MCC: variants seen among roughly 807,000 people sequenced by gnomAD.
MCC encodes MCC regulator of Wnt signaling pathway.
Under a neutral mutation model 116.2 loss-of-function variants are expected in MCC, and 90 were observed. The ratio of observed to expected loss-of-function variants is 0.77; its 90% CI spans 0.65 to 0.92. The LOEUF (loss-of-function observed/expected upper bound fraction) is 0.92. Ranked by LOEUF, MCC falls within the 40% of genes least tolerant of loss-of-function variation. The probability of loss-of-function intolerance (pLI) is 0.00; values close to 1 mark genes in which losing one functional copy is unlikely to be tolerated. For synonymous variants in MCC, 578 were observed against 510.5 expected (o/e 1.13, Z -1.78); for missense variants, 1,516 against 1,312.2 (o/e 1.16, Z -2.40).
intron 3 of MCC, among the ~76,000 whole-genome samples, chr5:113,171,918 T>C (rs959464054): frequency 5.3e-5 from 8 of 152,060 alleles, no homozygotes; most frequent in Admixed American, 3.9e-4. Flanking sequence ...TCATGATCCA[T>C]CTCCCATGGT....
chr5:113,175,427 T>G (rs1761283459), intron 3 of MCC, among the ~76,000 whole-genome samples: 2 of 152,160 alleles, frequency 1.3e-5, no homozygotes, highest in South Asian at 4.1e-4. Flanking sequence ...CCTAGATGGT[T>G]CTCAACATTT....
At chr5:113,232,074 CTATGT>C (rs1471220115) in intron 3 of MCC, among the ~76,000 whole-genome samples, 2 of 152,114 alleles carry the variant, frequency 1.3e-5, no homozygotes, top group African/African-American at 4.8e-5. Flanking sequence ...CACAAAGATA[CTATGT>C]TATTTGTTAA....
chr5:113,460,938 T>C (rs1771725742), intron 1 of MCC, among the ~76,000 whole-genome samples: 1 of 152,246 alleles, frequency 6.6e-6, no homozygotes. Flanking sequence ...TATGGCACTT[T>C]ATCGCATTTA....
chr5:113,383,741 T>C (rs778447027), intron 2 of MCC, among the ~76,000 whole-genome samples: 1 of 152,190 alleles, frequency 6.6e-6, no homozygotes, highest in South Asian at 2.1e-4. Flanking sequence ...TAAGAGCACA[T>C]GCATTACCAG....
At chr5:113,087,549 G>A (rs1755286158) in intron 8 of MCC, among the ~76,000 whole-genome samples, 1 of 152,122 alleles carries the variant, frequency 6.6e-6, no homozygotes. Flanking sequence ...AAAGAGAGAG[G>A]GCTCATTCAT....
intron 2 of MCC, among the ~76,000 whole-genome samples, chr5:113,347,510 A>G (rs563800836): frequency 4.7e-4 from 72 of 152,266 alleles, no homozygotes; most frequent in African/African-American, 1.7e-3. Context: ...AAAACAAAAC[A>G]AAAGTAATGG....
At chr5:113,130,517 T>C (rs796316309) in intron 5 of MCC, among the ~76,000 whole-genome samples, 3 of 152,132 alleles carry the variant, frequency 2.0e-5, no homozygotes, top group African/African-American at 7.2e-5. Flanking sequence ...CTTGAGAGCC[T>C]GCTATGGTTT....
At chr5:113,240,193 C>T (rs1371997100) in intron 3 of MCC, among the ~76,000 whole-genome samples, 1 of 152,158 alleles carries the variant, frequency 6.6e-6, no homozygotes, top group Non-Finnish European at 1.5e-5. Flanking sequence ...TCAGGATACC[C>T]TTCTCCCCAG....
intron 8 of MCC, among the ~76,000 whole-genome samples, chr5:113,093,514 T>C (rs896685339): frequency 4.6e-5 from 7 of 151,744 alleles, no homozygotes; most frequent in African/African-American, 1.7e-4. Context: ...AGAAAGTAAA[T>C]GATGCAAGCC....
intron 3 of MCC, among the ~76,000 whole-genome samples, chr5:113,231,630 G>A (rs1393210474): frequency 6.6e-6 from 1 of 152,042 alleles, no homozygotes; most frequent in Non-Finnish European, 1.5e-5. Context: ...CTCTAAAATG[G>A]AATTTCCTCC....
intron 3 of MCC, among the ~76,000 whole-genome samples, chr5:113,152,890 G>A (rs1008075110): frequency 8.5e-5 from 13 of 152,212 alleles, no homozygotes; most frequent in African/African-American, 3.1e-4. Flanking sequence ...GTCTTCTGAT[G>A]TAGGGCTAGG....
chr5:113,075,831 C>G (rs1273489128), intron 11 of MCC, among the ~76,000 whole-genome samples: 2 of 152,208 alleles, frequency 1.3e-5, no homozygotes, highest in Non-Finnish European at 2.9e-5. Flanking sequence ...TCCGCGCCAC[C>G]TTTAAGAGCT....
chr5:113,132,511 C>T (rs1040502123), intron 5 of MCC, among the ~76,000 whole-genome samples: 1 of 150,652 alleles, frequency 6.6e-6, no homozygotes, highest in Admixed American at 6.6e-5. Flanking sequence ...AAAATATGCA[C>T]AGCCTAGCCA....
intron 17 of MCC, among the ~76,000 whole-genome samples, chr5:113,031,419 C>G (rs969910478): frequency 1.3e-5 from 2 of 152,060 alleles, no homozygotes; most frequent in Admixed American, 6.5e-5. Context: ...CACCCGCCCC[C>G]CAACACCTCC....
At chr5:113,164,825 T>G (rs978410465) in intron 3 of MCC, among the ~76,000 whole-genome samples, 2 of 152,196 alleles carry the variant, frequency 1.3e-5, no homozygotes, top group African/African-American at 4.8e-5. Context: ...CAGCACCAGA[T>G]GGTTTATAGC....
Position 113,071,180 on chromosome 5 carries a change from T to C in MCC, c.1839A>G (p.Glu613=), listed in dbSNP as rs1350771213. The C allele has an allele frequency of 2.5e-6, 4 of 1,614,184 alleles. No individual in the cohort carries two copies. The highest frequency in any genetic ancestry group is 3.4e-6 in the Non-Finnish European group (4 of 1,180,030). ...QNDLLTITLE[E]CKSNAERMSM... ...TCATCCTCTCGGCATTGCTTTTACA[T>C]TCCTCCAAGGTTATGGTCAGGAGGT... The change falls in exon 12 of 19, where the codon GAA becomes GAG. Residue 613 remains glutamate (E), a synonymous_variant. Coordinates refer to ENST00000408903, the MANE Select transcript of MCC (RefSeq NM_001085377.2).
chr5:113,145,187 C>G (rs1335852303), intron 4 of MCC, among the ~76,000 whole-genome samples: 7 of 152,244 alleles, frequency 4.6e-5, no homozygotes, highest in Admixed American at 3.3e-4. Context: ...CTGTTAGCCT[C>G]TGTTCCCAAC....
chr5:113,236,949 A>T (rs141927399), intron 3 of MCC, among the ~76,000 whole-genome samples: 67 of 152,314 alleles, frequency 4.4e-4, no homozygotes, highest in African/African-American at 1.6e-3. Flanking sequence ...CAATGAATAT[A>T]CTGAAAGAAA....
At chr5:113,382,396 G>A (rs1035539946) in intron 2 of MCC, among the ~76,000 whole-genome samples, 2 of 151,288 alleles carry the variant, frequency 1.3e-5, no homozygotes, top group African/African-American at 4.9e-5. Context: ...TCAGCCTCCT[G>A]AGTAGCTAGG....
Sources: gnomAD v4.1 joint callset for allele counts (sites outside exome capture counted in the v4.1 genomes callset) on GRCh38, gnomAD v4.1.1 for gene constraint, MANE v1.5 for transcripts, NCBI Gene and HGNC (gene_info 2026-07-23, HGNC 2026-07-21) for gene names.